The following LINGO2 variants were observed in gnomAD, a reference collection of about 807,000 sequenced individuals.
LINGO2 encodes leucine-rich repeat and immunoglobulin-like domain-containing nogo receptor-interacting protein 2.
Under a neutral mutation model 30.6 loss-of-function variants are expected in LINGO2, and 14 were observed. That is an observed-to-expected ratio of 0.46 (90% CI 0.30 to 0.72). The LOEUF is 0.72. LINGO2 is among the 30% of genes least tolerant of loss of function. The pLI, the probability that LINGO2 is intolerant of heterozygous loss-of-function variation, is 0.07. For synonymous variants in LINGO2, 317 were observed against 288.5 expected, an observed-to-expected ratio of 1.10 and a Z score of -1.00; for missense variants, 729 against 751.7, an observed-to-expected ratio of 0.97 and a Z score of 0.35.
At chr9:28,450,372 A>T (rs1483173133) in intron 2 of LINGO2, among the ~76,000 whole-genome samples, 1 of 152,058 alleles carries the variant, frequency 6.6e-6, no homozygotes, top group African/African-American at 2.4e-5. Context: ...GTTCTATTTA[A>T]CAAATCATCA....
the LINGO2 span, among the ~76,000 whole-genome samples, chr9:29,178,276 G>T: frequency 1.3e-5 from 2 of 151,864 alleles, no homozygotes; most frequent in Non-Finnish European, 2.9e-5. Flanking sequence ...GAGTGGCCTC[G>T]AACTCCTGAC....
At position 28,187,476 on chromosome 9, in the gene LINGO2, C is replaced by A. The variant is rs370320412; in HGVS notation, c.-87+107732G>T. ...CTGTACTCCAACCTGAGTGACAGAG[C>A]GAGACTCTGTCTCAGAAAAAAAAAA... On this transcript the variant is annotated intron_variant, in intron 4 of 5. Transcript: ENST00000379992. 3.7e-5 allele frequency among the ~76,000 whole-genome samples: 5 copies of A among 134,138 alleles called. No homozygotes were observed. The East Asian group carries it at 1.1e-3, about 30-fold the overall frequency. The allele number at this position is 134,138 out of a possible 152,430, so 88.0% of individuals were successfully genotyped here.
the LINGO2 span, among the ~76,000 whole-genome samples, chr9:28,850,758 C>A: frequency 6.6e-6 from 1 of 151,882 alleles, no homozygotes; most frequent in African/African-American, 2.4e-5. Context: ...TGTAACCTAC[C>A]CTACTCTAAT....
At chr9:29,008,919 C>T in the LINGO2 span, among the ~76,000 whole-genome samples, 1 of 151,974 alleles carries the variant, frequency 6.6e-6, no homozygotes, top group South Asian at 2.1e-4. Context: ...ATAAACAGAA[C>T]CAAAGACAAA....
the LINGO2 span, among the ~76,000 whole-genome samples, chr9:29,047,442 T>C: frequency 6.6e-6 from 1 of 151,904 alleles, no homozygotes; most frequent in Non-Finnish European, 1.5e-5. Flanking sequence ...TTGGTGGGAG[T>C]GTATAAATTA....
At chr9:28,908,467 T>C in the LINGO2 span, among the ~76,000 whole-genome samples, 1 of 151,896 alleles carries the variant, frequency 6.6e-6, no homozygotes, top group Non-Finnish European at 1.5e-5. Flanking sequence ...CAATACCATG[T>C]TGGCTGACTA....
At chr9:29,035,789 A>T in the LINGO2 span, among the ~76,000 whole-genome samples, 2 of 151,942 alleles carry the variant, frequency 1.3e-5, no homozygotes, top group African/African-American at 4.8e-5. Context: ...AATCATAAGC[A>T]TTTTAGTCCC....
intron 1 of LINGO2, among the ~76,000 whole-genome samples, chr9:28,625,317 C>T (rs1419445206): frequency 3.9e-5 from 6 of 152,156 alleles, no homozygotes; most frequent in Non-Finnish European, 7.4e-5. Context: ...CTCCCAAGTG[C>T]ACAGATTCTC....
the LINGO2 span, among the ~76,000 whole-genome samples, chr9:28,932,668 T>A: frequency 7.1e-6 from 1 of 139,916 alleles, no homozygotes; most frequent in Non-Finnish European, 1.6e-5. Context: ...CTGTGCCTCC[T>A]CCTATATTAT....
At chr9:28,618,315 C>T (rs886764249) in intron 1 of LINGO2, among the ~76,000 whole-genome samples, 2 of 152,218 alleles carry the variant, frequency 1.3e-5, no homozygotes, top group Non-Finnish European at 2.9e-5. Flanking sequence ...TTATTTTTCT[C>T]TTTTACTCAC....
the LINGO2 span, among the ~76,000 whole-genome samples, chr9:29,188,838 CCCG>C: frequency 7.3e-6 from 1 of 137,696 alleles, no homozygotes; most frequent in Admixed American, 7.0e-5. Context: ...GGCTGACCCC[CCCG>C]CCACCTTCCT....
chr9:28,756,676 T>A, the LINGO2 span, among the ~76,000 whole-genome samples: 1 of 151,980 alleles, frequency 6.6e-6, no homozygotes, highest in African/African-American at 2.4e-5. Context: ...TCCCCCATGC[T>A]GTTCTAGTGA....
At chr9:28,055,396 C>T (rs1210471662) in intron 4 of LINGO2, among the ~76,000 whole-genome samples, 1 of 152,088 alleles carries the variant, frequency 6.6e-6, no homozygotes, top group Non-Finnish European at 1.5e-5. Flanking sequence ...TCTGAATGGC[C>T]AGGCTATTTT....
At chr9:28,455,162 G>A (rs1306564611) in intron 2 of LINGO2, among the ~76,000 whole-genome samples, 4 of 151,848 alleles carry the variant, frequency 2.6e-5, no homozygotes, top group African/African-American at 9.7e-5. Flanking sequence ...CATAGAATAT[G>A]AGTTGTAGGA....
intron 4 of LINGO2, among the ~76,000 whole-genome samples, chr9:28,224,214 G>A (rs953874577): frequency 1.3e-5 from 2 of 152,046 alleles, no homozygotes; most frequent in African/African-American, 2.4e-5. Context: ...ACAGGTGCCC[G>A]CCACCATGCC....
At chr9:28,896,691 C>A in the LINGO2 span, among the ~76,000 whole-genome samples, 1 of 152,016 alleles carries the variant, frequency 6.6e-6, no homozygotes, top group Non-Finnish European at 1.5e-5. Context: ...GTCAGAAAGA[C>A]TTAGATTGGA....
chr9:28,455,618 G>A (rs775527521), intron 2 of LINGO2, among the ~76,000 whole-genome samples: 19 of 152,204 alleles, frequency 1.2e-4, no homozygotes, highest in Non-Finnish European at 2.1e-4. Flanking sequence ...GAAGAGCAAT[G>A]TATTTAATTT....
the LINGO2 span, among the ~76,000 whole-genome samples, chr9:28,888,515 CAT>C: frequency 5.1e-3 from 779 of 152,152 alleles, 5 homozygotes; most frequent in African/African-American, 0.018. Flanking sequence ...TAAGGGAATA[CAT>C]ATGATTTTTA....
chr9:29,034,825 C>CA, the LINGO2 span, among the ~76,000 whole-genome samples: 1 of 152,296 alleles, frequency 6.6e-6, no homozygotes, highest in African/African-American at 2.4e-5. Flanking sequence ...CTGCTGCCTT[C>CA]AGCACTATCG....
Sources: gnomAD v4.1 joint callset for allele counts (sites outside exome capture counted in the v4.1 genomes callset) on GRCh38, gnomAD v4.1.1 for gene constraint, MANE v1.5 for transcripts, NCBI Gene and HGNC (gene_info 2026-07-23, HGNC 2026-07-21) for gene names.